Variants in XPNPEP2 observed in about 807,000 individuals in gnomAD.
XPNPEP2 encodes X-prolyl aminopeptidase 2.
Under a neutral mutation model 59.8 loss-of-function variants are expected in XPNPEP2, and 64 were observed. The observed-to-expected ratio is 1.07, with a 90% confidence interval of 0.87 to 1.32. XPNPEP2 has a LOEUF of 1.32. Ranked by LOEUF, XPNPEP2 falls within the 40% of genes most tolerant of loss-of-function variation. The probability of loss-of-function intolerance (pLI) is 0.00; values close to 1 mark genes in which losing one functional copy is unlikely to be tolerated. For synonymous variants in XPNPEP2, 235 were observed against 210.0 expected (o/e 1.12, Z -1.03); for missense variants, 575 against 546.8 (o/e 1.05, Z -0.51).
chrX:129,746,579 C>T lies in XPNPEP2; in HGVS notation c.404-16C>T. ...CCTGAAGGTGACCTCTGCATTGCTT[C>T]CTATCTTTCTTTCAGTTGGCACCAC... is the stretch of plus-strand genomic sequence containing the variant. On this transcript the variant is annotated splice_polypyrimidine_tract_variant and intron_variant, in intron 5 of 20. Transcript: ENST00000371106. The T allele has an allele frequency of 8.3e-7, 1 of 1,206,745 alleles. No individual in the cohort carries two copies. Among genetic ancestry groups the T allele is most frequent in the Non-Finnish European group, 1.1e-6 (1 of 891,712 alleles).
In XPNPEP2 at chrX:129,750,529, C is replaced by T. The variant is rs745918966; in HGVS notation, c.699C>T (p.Val233=). The T allele has an allele frequency of 6.7e-6, 8 of 1,193,372 alleles. No homozygotes were observed. The Admixed American group carries it at 1.8e-4, about 27-fold the overall frequency. ...GCCAGATGCAGAAGCATCAAAAGGT[C>T]CCGACTGCCGTCCTTCTGTCGGCGC... is the stretch of plus-strand genomic sequence containing the variant. ...VRSQMQKHQK[V]PTAVLLSALE... is the part of the protein sequence containing the mutation. Residue 233 remains valine (V), a synonymous_variant, in exon 8 of 21, where the codon GTC becomes GTT. Coordinates refer to ENST00000371106, the MANE Select transcript of XPNPEP2 (RefSeq NM_003399.6).
intron 19 of XPNPEP2, among the ~76,000 whole-genome samples, chrX:129,766,621 A>G (rs1354179997): frequency 1.8e-5 from 2 of 109,571 alleles, no homozygotes; most frequent in Non-Finnish European, 3.8e-5. Context: ...TGATGCTCCC[A>G]CCCTTCCACC....
chrX:129,738,982 G>A lies in XPNPEP2; in HGVS notation c.-232G>A. The A allele has an allele frequency of 2.4e-6, 1 of 420,733 alleles. No individual in the cohort carries two copies. Among genetic ancestry groups the A allele is most frequent in the Non-Finnish European group, 4.1e-6 (1 of 241,505 alleles). 34.7% of individuals were successfully genotyped at this position (420,733 alleles called of 1,213,427 possible). On this transcript the variant is annotated 5_prime_UTR_variant, in exon 1 of 21. Transcript: ENST00000371106. Reference sequence around the variant, plus strand: ...TCCTACACGACTAGGAACTTGCACAGTCCGCCTCGGGCAGCCCAAAGCTCC... The same window carrying A: ...TCCTACACGACTAGGAACTTGCACAATCCGCCTCGGGCAGCCCAAAGCTCC...
rs935586572 is a variant in XPNPEP2 at position 129,746,268 on chromosome X, G to A, written c.331G>A (p.Val111Ile). 10 of 1,209,903 alleles carry A rather than the reference G, an allele frequency of 8.3e-6. No homozygotes were observed. The highest frequency in any genetic ancestry group is 1.1e-5 in the Non-Finnish European group (10 of 895,297). Reference sequence around the variant, plus strand: ...AGTGGTGACTATGAAGAAAGCAGCTGTCTGGACCGACAGTCGCTACTGGAC... The same window carrying A: ...AGTGGTGACTATGAAGAAAGCAGCTATCTGGACCGACAGTCGCTACTGGAC... ...TAVVTMKKAA[V>I]WTDSRYWTQA... Residue 111 changes from valine to isoleucine, a missense_variant, in exon 5 of 21, where the codon GTC becomes ATC. Val to Ile is a conservative substitution (Grantham distance 29, BLOSUM62 3). Transcript: ENST00000371106.
rs761134558 is a variant in XPNPEP2 at position 129,742,173 on chromosome X, A to C, written c.115A>C (p.Asn39His). 45 of 1,181,822 alleles carry C rather than the reference A, an allele frequency of 3.8e-5. No homozygotes were observed. The South Asian group carries it at 7.9e-4, about 21-fold the overall frequency. ...GCAGGATGTGAGAAACTGTTCCACC[A>C]ACCCCCCTGTGAGTGCCCCCTGCCC... ...GGQDVRNCST[N>H]PPYLPVTVVN... The change falls in exon 2 of 21, where the codon AAC (asparagine) becomes CAC (histidine). Residue 39 changes from asparagine to histidine, a missense_variant. Asn to His is a moderately conservative substitution (Grantham distance 68). Transcript: ENST00000371106.
rs1349077130 is a variant in XPNPEP2, at chrX:129,768,278, C to T, written c.1831-13C>T. The T allele has an allele frequency of 8.7e-7, 1 of 1,150,194 alleles. No individual in the cohort carries two copies. The highest frequency in any genetic ancestry group is 2.1e-5 in the South Asian group (1 of 47,677). 94.8% of individuals were successfully genotyped at this position (1,150,194 alleles called of 1,213,427 possible). A position where few individuals can be genotyped will look rare whatever the true frequency, so the allele number is the denominator to read the frequency against. ...TGGCTTAGAGAGGCTGTCACCCCTTCTATCCTTCGCAGCTCCAGTACCTGA... is the reference window on the plus strand; with the variant it reads ...TGGCTTAGAGAGGCTGTCACCCCTTTTATCCTTCGCAGCTCCAGTACCTGA... On this transcript the variant is annotated splice_polypyrimidine_tract_variant and intron_variant, in intron 20 of 20. Transcript: ENST00000371106.
At chrX:129,760,131 C>T (rs898262160) in intron 15 of XPNPEP2, among the ~76,000 whole-genome samples, 3 of 112,568 alleles carry the variant, frequency 2.7e-5, no homozygotes, top group African/African-American at 9.7e-5. Flanking sequence ...ATCTTCCCAT[C>T]GCAGATAAGG....
intron 10 of XPNPEP2, among the ~76,000 whole-genome samples, chrX:129,752,640 G>C (rs1037769836): frequency 5.3e-5 from 6 of 112,572 alleles, no homozygotes; most frequent in African/African-American, 1.3e-4. Flanking sequence ...CTAACTAGCT[G>C]TGCAGTGACT....
chrX:129,741,554 C>G (rs1002251656), intron 1 of XPNPEP2, among the ~76,000 whole-genome samples: 2 of 112,167 alleles, frequency 1.8e-5, no homozygotes, highest in African/African-American at 6.5e-5. Context: ...ACTAATTAAT[C>G]CATCTTTCCC....
intron 14 of XPNPEP2, among the ~76,000 whole-genome samples, chrX:129,757,245 T>C (rs1365869072): frequency 9.3e-6 from 1 of 107,065 alleles, no homozygotes; most frequent in Non-Finnish European, 1.9e-5. Flanking sequence ...AAGTAAAATG[T>C]TTTCTAAGTC....
intron 9 of XPNPEP2, 59 bp downstream of exon 9, chrX:129,751,885 C>T (rs1262957317): frequency 2.8e-6 from 3 of 1,087,685 alleles, no homozygotes; most frequent in Non-Finnish European, 3.8e-6. Flanking sequence ...CCTCTTGATG[C>T]CCCACCACTG....
Position 129,769,332 on chromosome X carries a change from A to G in XPNPEP2, c.*847A>G, listed in dbSNP as rs1926811732. ...GTGGGCTTTGCCTAAGGACACACAA[A>G]TTTGGTTGGGAGTTGATGGGGCCAG... On this transcript the variant is annotated 3_prime_UTR_variant, in exon 21 of 21. Transcript: ENST00000371106. 1 of 111,862 alleles carries G rather than the reference A, an allele frequency of 8.9e-6. No homozygotes were observed. Among genetic ancestry groups the G allele is most frequent in the South Asian group, 3.7e-4 (1 of 2,708 alleles). 9.2% of individuals were successfully genotyped at this position (111,862 alleles called of 1,213,427 possible). A position where few individuals can be genotyped will look rare whatever the true frequency, so the allele number is the denominator to read the frequency against.
rs754576819 is a variant in XPNPEP2 at position 129,744,004 on chromosome X, C to T, written c.167C>T (p.Ala56Val). ...GTCAATACCACAATGTCACTCACAG[C>T]CCTCCGCCAGCAGATGCAGACCCAG... ...TVVNTTMSLT[A>V]LRQQMQTQNL... Residue 56 changes from alanine to valine, a missense_variant, in exon 3 of 21, where the codon GCC becomes GTC. Physicochemically the swap from Ala to Val is moderately conservative, Grantham distance 64 (BLOSUM62 0). Coordinates refer to ENST00000371106, the MANE Select transcript of XPNPEP2 (RefSeq NM_003399.6). The T allele has an allele frequency of 4.1e-6, 5 of 1,210,246 alleles. No homozygotes were observed. In the African/African-American group the frequency reaches 7.0e-5, roughly 17 times the overall value.
chrX:129,743,933 G>A (rs760461686), intron 2 of XPNPEP2, 28 bp from the exon 3 acceptor site: 45 of 1,170,017 alleles, frequency 3.8e-5, no homozygotes, highest in Non-Finnish European at 9.3e-6. Flanking sequence ...GTTTGTTTGT[G>A]TCTCAATGTC....
rs1303055612 is a variant in XPNPEP2, at chrX:129,751,587, AAAGAAAGAAAGGAAGGAAGG to A, written c.740-154_740-135del. Among the ~76,000 whole-genome samples the A allele has an allele frequency of 3.4e-3, 225 of 66,041 alleles. 2 individuals are homozygous for A. The highest frequency in any genetic ancestry group is 0.014 in the African/African-American group (203 of 15,007). 57.3% of individuals were successfully genotyped at this position (66,041 alleles called of 115,157 possible). A position where few individuals can be genotyped will look rare whatever the true frequency, so the allele number is the denominator to read the frequency against. On this transcript the variant is annotated intron_variant, in intron 8 of 20. Coordinates refer to ENST00000371106, the MANE Select transcript of XPNPEP2 (RefSeq NM_003399.6). Reference sequence around the variant, plus strand: ...GAAAGAAAGAAAGAAAGAAAGAAAGAAAGAAAGAAAGGAAGGAAGGAAGGAAGGAAGGAAGGAAGGAAGGA... The same window carrying A: ...GAAAGAAAGAAAGAAAGAAAGAAAGAAAGGAAGGAAGGAAGGAAGGAAGGA...
chrX:129,744,298 A>G (rs1926254181), intron 3 of XPNPEP2, among the ~76,000 whole-genome samples: 1 of 112,131 alleles, frequency 8.9e-6, no homozygotes, highest in African/African-American at 3.2e-5. Flanking sequence ...AAATTAAACT[A>G]TAAACAACTT....
intron 14 of XPNPEP2, among the ~76,000 whole-genome samples, chrX:129,757,825 A>AAGAAAGAC (rs1926560394): frequency 1.1e-5 from 1 of 91,010 alleles, no homozygotes; most frequent in African/African-American, 4.3e-5. Context: ...GAAAGAAAGA[A>AAGAAAGAC]AGAAAGAAAG....
At chrX:129,740,287 A>G (rs1464890137) in intron 1 of XPNPEP2, among the ~76,000 whole-genome samples, 8 of 112,480 alleles carry the variant, frequency 7.1e-5, no homozygotes, top group Non-Finnish European at 1.1e-4. Context: ...CAGGACGTTC[A>G]TGGTGTTGAA....
chrX:129,747,528 G>T, intron 6 of XPNPEP2, 79 bp from the exon 7 acceptor site: 1 of 1,173,363 alleles, frequency 8.5e-7, no homozygotes, highest in Non-Finnish European at 1.1e-6. Flanking sequence ...AGGGAACCAG[G>T]ACTAACTTTG....
Sources: allele counts gnomAD v4.1 joint callset (sites outside exome capture counted in the v4.1 genomes callset), GRCh38; gene constraint gnomAD v4.1.1; transcripts MANE v1.5; gene names NCBI Gene and HGNC (gene_info 2026-07-23, HGNC 2026-07-21).